MGAT4A: variants seen among roughly 807,000 people sequenced by gnomAD.
MGAT4A encodes the protein N-acetylglucosaminyltransferase IVa.
Under a neutral mutation model 74.1 loss-of-function variants are expected in MGAT4A, and 33 were observed. That is an observed-to-expected ratio of 0.45 (90% CI 0.34 to 0.60). MGAT4A has a LOEUF of 0.60. Ranked by LOEUF, MGAT4A falls within the 20% of genes least tolerant of loss-of-function variation. The probability of loss-of-function intolerance (pLI) is 0.02; values close to 1 mark genes in which losing one functional copy is unlikely to be tolerated. For synonymous variants in MGAT4A, 198 were observed against 210.4 expected, an observed-to-expected ratio of 0.94 and a Z score of 0.51; for missense variants, 479 against 628.3, an observed-to-expected ratio of 0.76 and a Z score of 2.54.
intron 11 of MGAT4A, 25 bp downstream of exon 11, chr2:98,640,096 G>A (rs1014161322): frequency 1.3e-6 from 2 of 1,583,230 alleles, no homozygotes; most frequent in Admixed American, 1.8e-5. Flanking sequence ...GTATGTTCAT[G>A]AGAAAATAAA....
chr2:98,713,660 A>C (rs1702549505), intron 2 of MGAT4A, among the ~76,000 whole-genome samples: 1 of 152,214 alleles, frequency 6.6e-6, no homozygotes, highest in Admixed American at 6.5e-5. Context: ...AACACCTACA[A>C]GGGATGGATG....
At chr2:98,695,878 CTTT>C (rs554678618) in intron 2 of MGAT4A, among the ~76,000 whole-genome samples, 18 of 130,372 alleles carry the variant, frequency 1.4e-4, no homozygotes, top group South Asian at 2.5e-4. Flanking sequence ...CACAGAACTT[CTTT>C]TTTTTTTTTT....
chr2:98,676,081 G>A (rs1051712962), intron 3 of MGAT4A, among the ~76,000 whole-genome samples: 1 of 152,022 alleles, frequency 6.6e-6, no homozygotes, highest in Non-Finnish European at 1.5e-5. Flanking sequence ...TAAAAACTTG[G>A]TAGTAGAAAT....
chr2:98,633,335 C>G (rs149347789), intron 14 of MGAT4A, among the ~76,000 whole-genome samples: 171 of 152,310 alleles, frequency 1.1e-3, no homozygotes, highest in African/African-American at 3.9e-3. Context: ...CAGGGCAGAG[C>G]TTCTGTCTCC....
chr2:98,675,686 T>C (rs1036883037), intron 3 of MGAT4A, among the ~76,000 whole-genome samples: 3 of 152,070 alleles, frequency 2.0e-5, no homozygotes, highest in African/African-American at 7.2e-5. Flanking sequence ...TACCTGGGAC[T>C]GCAGGCACAT....
intron 8 of MGAT4A, among the ~76,000 whole-genome samples, chr2:98,650,635 A>G (rs368187894): frequency 2.0e-5 from 3 of 152,284 alleles, no homozygotes; most frequent in African/African-American, 7.2e-5. Context: ...CAAGAATATT[A>G]TATCTGACAA....
intron 13 of MGAT4A, among the ~76,000 whole-genome samples, chr2:98,635,764 G>A (rs532437117): frequency 1.5e-4 from 23 of 151,966 alleles, no homozygotes; most frequent in African/African-American, 5.1e-4. Flanking sequence ...AGGCCGAGGC[G>A]GGTGGATCAC....
At position 98,658,241 on chromosome 2, in the gene MGAT4A, A is replaced by G. The variant is rs138270992; in HGVS notation, c.561T>C (p.Gly187=). ...ACTCTTTCTCCAGGTTGGCTACAACACCATGTACATAATCAATATCTGTCT... is the reference window on the plus strand; with the variant it reads ...ACTCTTTCTCCAGGTTGGCTACAACGCCATGTACATAATCAATATCTGTCT... ...IGETDIDYVH[G]VVANLEKEFS... Residue 187 remains glycine (G), a synonymous_variant, in exon 6 of 16, where the codon GGT becomes GGC. Coordinates refer to ENST00000393487, the MANE Select transcript of MGAT4A (RefSeq NM_012214.3). The G allele has an allele frequency of 6.4e-7, 1 of 1,574,324 alleles. No individual in the cohort carries two copies. The highest frequency in any genetic ancestry group is 8.7e-7 in the Non-Finnish European group (1 of 1,155,156).
chr2:98,663,012 T>C (rs1559162706), intron 5 of MGAT4A, 34 bp downstream of exon 5: 1 of 1,416,130 alleles, frequency 7.1e-7, no homozygotes, highest in Non-Finnish European at 9.4e-7. Flanking sequence ...ATAGGCTATA[T>C]TTGGTAAAAA....
chr2:98,652,538 A>G (rs1433964183), intron 8 of MGAT4A, among the ~76,000 whole-genome samples: 4 of 152,078 alleles, frequency 2.6e-5, no homozygotes, highest in African/African-American at 9.7e-5. Flanking sequence ...TCACCGTGTT[A>G]GCCAGGATGG....
intron 4 of MGAT4A, among the ~76,000 whole-genome samples, chr2:98,664,200 C>CAAAAAAAAAAAAAAAAAAAAAAAA (rs57981145): frequency 1.9e-5 from 1 of 51,444 alleles, no homozygotes; most frequent in Non-Finnish European, 3.6e-5. Context: ...GATTCCATCT[C>CAAAAAAAAAAAAAAAAAAAAAAAA]AAAAAAAAAA....
At chr2:98,655,873 C>G in intron 7 of MGAT4A, 1 of 185,166 alleles carries the variant, frequency 5.4e-6, no homozygotes, top group Non-Finnish European at 1.1e-5. Flanking sequence ...GAAAAAAATT[C>G]TTAATACATA....
intron 2 of MGAT4A, among the ~76,000 whole-genome samples, chr2:98,724,667 C>T (rs1702735133): frequency 6.6e-6 from 1 of 151,740 alleles, no homozygotes; most frequent in South Asian, 2.1e-4. Flanking sequence ...ATTATAAGGC[C>T]TTTACATAAG....
Position 98,625,569 on chromosome 2 carries a change from G to C in MGAT4A, c.1605C>G (p.Asn535Lys), listed in dbSNP as rs576273179. 3 of 1,609,562 alleles carry C rather than the reference G, an allele frequency of 1.9e-6. No homozygotes were observed. The South Asian group carries it at 3.3e-5, about 18-fold the overall frequency. Residue 535 changes from asparagine to lysine, a missense_variant, in exon 16 of 16, where the codon AAC becomes AAG. Coordinates refer to ENST00000393487, the MANE Select transcript of MGAT4A (RefSeq NM_012214.3). ...LNEIHIKKATN is the reference protein window; with the variant it reads ...LNEIHIKKATK The stretch of plus-strand genomic sequence containing the variant: ...AATGTGTTGGTTTCTCAGATGATCA[G>C]TTGGTGGCTTTTTTAATATGAATCT...
At chr2:98,716,924 A>T (rs1702601221) in intron 2 of MGAT4A, among the ~76,000 whole-genome samples, 1 of 152,194 alleles carries the variant, frequency 6.6e-6, no homozygotes, top group African/African-American at 2.4e-5. Flanking sequence ...CAGTTTGTAT[A>T]TGTTCAGTAC....
intron 2 of MGAT4A, among the ~76,000 whole-genome samples, chr2:98,678,701 T>G (rs577597421): frequency 6.6e-6 from 1 of 152,206 alleles, no homozygotes; most frequent in South Asian, 2.1e-4. Context: ...CTCTTATTAT[T>G]GGTAAAAATG....
intron 4 of MGAT4A, among the ~76,000 whole-genome samples, chr2:98,670,401 C>A (rs1213022255): frequency 1.4e-4 from 22 of 152,146 alleles, no homozygotes; most frequent in Admixed American, 1.4e-3. Context: ...AAGGCCCCTA[C>A]CTCATGGTAT....
chr2:98,640,061 A>G (rs1701382558), intron 11 of MGAT4A, 60 bp from the exon 12 acceptor site: 2 of 1,554,016 alleles, frequency 1.3e-6, no homozygotes, highest in Non-Finnish European at 1.7e-6. Flanking sequence ...AAGAAAAACA[A>G]TAATTATAAC....
At chr2:98,729,589 A>G (rs1325903843) in intron 1 of MGAT4A, among the ~76,000 whole-genome samples, 5 of 152,256 alleles carry the variant, frequency 3.3e-5, no homozygotes, top group Non-Finnish European at 7.3e-5. Context: ...CCACCCTCCC[A>G]AAGGTGAATG....
Sources: gnomAD v4.1 joint callset for allele counts (sites outside exome capture counted in the v4.1 genomes callset) on GRCh38, gnomAD v4.1.1 for gene constraint, MANE v1.5 for transcripts, NCBI Gene and HGNC (gene_info 2026-07-23, HGNC 2026-07-21) for gene names.